Variants in DMD observed in about 807,000 individuals in gnomAD.
DMD encodes the protein mutant dystrophin.
In DMD, 63 loss-of-function variants were observed where a neutral mutation model predicts 330.1. The observed-to-expected ratio is 0.19, with a 90% CI of 0.16 to 0.24. The LOEUF is 0.24. DMD is among the 10% of genes least tolerant of loss of function. The pLI, the probability that DMD is intolerant of heterozygous loss-of-function variation, is 1.00. For missense variants in DMD, 3,344 were observed against 2,684.1 expected, an observed-to-expected ratio of 1.25 and a Z score of -5.43; for synonymous variants, 1,223 against 959.8, an observed-to-expected ratio of 1.27 and a Z score of -5.07.
intron 44 of DMD, among the ~76,000 whole-genome samples, chrX:32,092,395 A>G (rs894571918): frequency 1.8e-5 from 2 of 111,942 alleles, no homozygotes; most frequent in Non-Finnish European, 3.8e-5. Flanking sequence ...CTCTTTCAGT[A>G]CCGCAGAGAA....
chrX:32,982,805 C>T (rs1405211755), intron 2 of DMD, among the ~76,000 whole-genome samples: 1 of 112,003 alleles, frequency 8.9e-6, no homozygotes, highest in African/African-American at 3.2e-5. Flanking sequence ...ATCAGGTTCT[C>T]CTGACACTTT....
chrX:31,367,804 T>G (rs896155030), intron 60 of DMD, among the ~76,000 whole-genome samples: 1 of 111,787 alleles, frequency 8.9e-6, no homozygotes, highest in Admixed American at 9.5e-5. Context: ...CCACGACACT[T>G]ACTGCACTGA....
intron 59 of DMD, among the ~76,000 whole-genome samples, chrX:31,474,719 A>T (rs1475889435): frequency 2.0e-5 from 2 of 100,231 alleles, no homozygotes; most frequent in African/African-American, 7.5e-5. Flanking sequence ...AAAAAAAATA[A>T]AATAAAATAA....
chrX:32,346,264 A>G (rs1250867536), intron 38 of DMD, among the ~76,000 whole-genome samples, 184 bp from the exon 39 acceptor site: 2 of 111,801 alleles, frequency 1.8e-5, no homozygotes, highest in Non-Finnish European at 3.8e-5. Context: ...AGGTTTCAAA[A>G]TAAGTTTCCT....
chrX:31,861,638 CTG>C (rs1556949987), intron 48 of DMD, among the ~76,000 whole-genome samples: 22,778 of 82,861 alleles, frequency 0.27, 2,799 homozygotes, highest in South Asian at 0.43. Context: ...AAATAATCAC[CTG>C]TGTGTGTGTG....
chrX:32,699,641 A>C (rs1444506619), intron 7 of DMD, among the ~76,000 whole-genome samples: 1 of 111,956 alleles, frequency 8.9e-6, no homozygotes, highest in Non-Finnish European at 1.9e-5. Flanking sequence ...CCTCCAATGG[A>C]AAGTTATATT....
intron 51 of DMD, among the ~76,000 whole-genome samples, chrX:31,749,158 T>TATA (rs1392081620): frequency 1.9e-5 from 2 of 106,377 alleles, no homozygotes; most frequent in Non-Finnish European, 3.9e-5. Context: ...TTATTATTAT[T>TATA]ATACTTTAAG....
intron 57 of DMD, among the ~76,000 whole-genome samples, chrX:31,482,686 T>G (rs1265841076): frequency 8.9e-6 from 1 of 111,933 alleles, no homozygotes; most frequent in Admixed American, 9.5e-5. Flanking sequence ...AGTAGGTATT[T>G]CAAGTGAAAA....
intron 9 of DMD, among the ~76,000 whole-genome samples, chrX:32,655,945 G>T (rs1163446897): frequency 9.1e-6 from 1 of 109,457 alleles, no homozygotes; most frequent in Non-Finnish European, 1.9e-5. Flanking sequence ...TGTTTTATCA[G>T]ACACTAGGAT....
At chrX:32,706,149 TCTCA>T (rs1487740824) in intron 7 of DMD, among the ~76,000 whole-genome samples, 2 of 97,299 alleles carry the variant, frequency 2.1e-5, no homozygotes, top group African/African-American at 3.8e-5. Context: ...CACTGCATGT[TCTCA>T]CTCAGAGGTG....
At chrX:31,546,772 T>G (rs763433510) in intron 55 of DMD, among the ~76,000 whole-genome samples, 1 of 112,189 alleles carries the variant, frequency 8.9e-6, no homozygotes, top group Non-Finnish European at 1.9e-5. Context: ...CTAAACAGAA[T>G]AGCCCCCTAT....
chrX:32,534,667 C>G (rs1290656196), intron 17 of DMD, among the ~76,000 whole-genome samples: 1 of 111,381 alleles, frequency 9.0e-6, no homozygotes, highest in Non-Finnish European at 1.9e-5. Context: ...GCTGTGTCCT[C>G]CCAAGGCAGG....
In DMD at chrX:33,223,284, C is replaced by T. The variant is rs7877049; in HGVS notation, c.7+115975G>A. The stretch of plus-strand genomic sequence containing the variant: ...CGAGATCATGCCATTGCACTCCAGC[C>T]TGGGTGACAGAGAGAGGGAGACTCC... On this transcript the variant is annotated intron_variant, in intron 1 of 17. Coordinates refer to the DMD transcript ENST00000288447. Among the ~76,000 whole-genome samples the T allele has an allele frequency of 9.9e-3, 1,107 of 111,944 alleles. 16 individuals are homozygous for T. The highest frequency in any genetic ancestry group is 0.034 in the African/African-American group (1,055 of 30,782).
At chrX:32,507,912 C>T (rs1178757978) in intron 18 of DMD, among the ~76,000 whole-genome samples, 1 of 110,842 alleles carries the variant, frequency 9.0e-6, no homozygotes, top group East Asian at 2.8e-4. Flanking sequence ...TATTAGAACC[C>T]TGCTCTTCTA....
At chrX:32,686,006 A>T (rs977430035) in intron 9 of DMD, among the ~76,000 whole-genome samples, 1 of 111,417 alleles carries the variant, frequency 9.0e-6, no homozygotes, top group Non-Finnish European at 1.9e-5. Flanking sequence ...AAGGGGGTAA[A>T]CTCTTAGTGA....
intron 62 of DMD, among the ~76,000 whole-genome samples, chrX:31,284,577 T>TCTTCTTCTTCTTC: frequency 1.1e-5 from 1 of 93,266 alleles, no homozygotes; most frequent in African/African-American, 4.2e-5. Context: ...TTCTTCTTCT[T>TCTTCTTCTTCTTC]CTTCTTCTTC....
intron 31 of DMD, 78 bp from the exon 32 acceptor site, chrX:32,389,752 C>A: frequency 9.3e-6 from 9 of 966,770 alleles, no homozygotes; most frequent in East Asian, 3.1e-5. Context: ...ATTGATAGAT[C>A]TGCCTTTATT....
chrX:31,232,234 C>T (rs2047289220), intron 63 of DMD, among the ~76,000 whole-genome samples: 1 of 110,665 alleles, frequency 9.0e-6, no homozygotes, highest in Non-Finnish European at 1.9e-5. Context: ...GGGAGGCCCA[C>T]TGCAGAGCCC....
At chrX:31,998,220 A>G (rs2095602679) in intron 44 of DMD, among the ~76,000 whole-genome samples, 1 of 112,279 alleles carries the variant, frequency 8.9e-6, no homozygotes, top group African/African-American at 3.2e-5. Context: ...TTAAAAACAC[A>G]AAAACTATCA....
Sources: gnomAD v4.1 joint callset for allele counts (sites outside exome capture counted in the v4.1 genomes callset) on GRCh38, gnomAD v4.1.1 for gene constraint, MANE v1.5 for transcripts, NCBI Gene and HGNC (gene_info 2026-07-23, HGNC 2026-07-21) for gene names.